The following EIF4EBP2 variants were observed in gnomAD, a reference collection of about 807,000 sequenced individuals.
The protein encoded by EIF4EBP2 is eukaryotic translation initiation factor 4E binding protein 2.
In EIF4EBP2, 5 loss-of-function variants were observed where a neutral mutation model predicts 10.3. The ratio of observed to expected loss-of-function variants is 0.48; its 90% CI spans 0.25 to 1.02. EIF4EBP2 has a LOEUF of 1.02. EIF4EBP2 is among the 50% of genes least tolerant of loss of function. The pLI is 0.15. For synonymous variants in EIF4EBP2, 67 were observed against 61.1 expected, an observed-to-expected ratio of 1.10 and a Z score of -0.45; for missense variants, 188 against 162.2, an observed-to-expected ratio of 1.16 and a Z score of -0.86.
In EIF4EBP2 at chr10:70,427,588, C is replaced by G. The variant is rs1290224006; in HGVS notation, c.*5841C>G. On this transcript the variant is annotated 3_prime_UTR_variant, in exon 3 of 3. Coordinates refer to ENST00000373218, the MANE Select transcript of EIF4EBP2 (RefSeq NM_004096.5). ...TAGGCTGGTCCTGGAAGTTGATAAC[C>G]TTTTGGCAAAGCTTAGATTTAGGAG... 1 of 152,158 alleles carries G rather than the reference C, an allele frequency of 6.6e-6. No homozygotes were observed. Among genetic ancestry groups the G allele is most frequent in the African/African-American group, 2.4e-5 (1 of 41,430 alleles). The allele number at this position is 152,158 out of a possible 1,614,324, so 9.4% of individuals were successfully genotyped here.
chr10:70,406,552 G>A (rs1399029373), intron 1 of EIF4EBP2, among the ~76,000 whole-genome samples: 1 of 150,800 alleles, frequency 6.6e-6, no homozygotes, highest in Non-Finnish European at 1.5e-5. Context: ...CCTGAGGGAA[G>A]AGCCACCTAG....
At chr10:70,404,601 TCCTCGGCG>T in intron 1 of EIF4EBP2, 55 bp downstream of exon 1, 1 of 1,467,162 alleles carries the variant, frequency 6.8e-7, no homozygotes, top group East Asian at 2.9e-5. Flanking sequence ...GTCCTCTAAC[TCCTCGGCG>T]CCTCGGTGCC....
At chr10:70,406,748 T>C (rs1331035235) in intron 1 of EIF4EBP2, among the ~76,000 whole-genome samples, 1 of 151,914 alleles carries the variant, frequency 6.6e-6, no homozygotes, top group Admixed American at 6.5e-5. Context: ...TCAATCACTG[T>C]TTTCTCAAAT....
At chr10:70,417,808 T>A (rs886492268) in intron 1 of EIF4EBP2, among the ~76,000 whole-genome samples, 1 of 152,188 alleles carries the variant, frequency 6.6e-6, no homozygotes, top group Non-Finnish European at 1.5e-5. Flanking sequence ...TTCTGAAATC[T>A]CATCATGAAC....
intron 1 of EIF4EBP2, among the ~76,000 whole-genome samples, chr10:70,407,915 TC>T (rs1163364919): frequency 4.5e-4 from 55 of 122,412 alleles, no homozygotes; most frequent in African/African-American, 1.8e-3. Context: ...GCTCCTCACT[TC>T]CCAGTAGGAG....
intron 1 of EIF4EBP2, among the ~76,000 whole-genome samples, chr10:70,412,236 C>G (rs1037861879): frequency 3.3e-5 from 5 of 152,094 alleles, no homozygotes; most frequent in African/African-American, 4.8e-5. Flanking sequence ...GCTTGGAACT[C>G]TATTTTATGA....
chr10:70,418,550 TAAAC>T (rs1022620412), intron 1 of EIF4EBP2, among the ~76,000 whole-genome samples: 1 of 152,198 alleles, frequency 6.6e-6, no homozygotes, highest in Non-Finnish European at 1.5e-5. Context: ...CATAGTATAA[TAAAC>T]AATTTTCATA....
intron 1 of EIF4EBP2, among the ~76,000 whole-genome samples, chr10:70,415,609 AG>A (rs1347236685): frequency 6.6e-6 from 1 of 152,276 alleles, no homozygotes; most frequent in Non-Finnish European, 1.5e-5. Flanking sequence ...TTGAGAGTCC[AG>A]AAATAAACCC....
At chr10:70,404,732 G>T (rs1844950932) in intron 1 of EIF4EBP2, among the ~76,000 whole-genome samples, 186 bp downstream of exon 1, 3 of 152,218 alleles carry the variant, frequency 2.0e-5, no homozygotes, top group Admixed American at 2.0e-4. Context: ...CGCAGCTCGA[G>T]TCGGCGCGCG....
rs1337898678 is a variant in EIF4EBP2, at chr10:70,425,237, G to A, written c.*3490G>A. On this transcript the variant is annotated 3_prime_UTR_variant, in exon 3 of 3. Transcript: ENST00000373218. ...CTGAGCAGCTGATTCCAGAGATCAT[G>A]GGGCAGGGCCAGGAGAAAGCTGCAG... is the stretch of plus-strand genomic sequence containing the variant. The A allele has an allele frequency of 6.6e-6, 1 of 152,282 alleles. No homozygotes were observed. Among genetic ancestry groups the A allele is most frequent in the African/African-American group, 2.4e-5 (1 of 41,458 alleles). The allele number at this position is 152,282 out of a possible 1,614,324, so 9.4% of individuals were successfully genotyped here.
At chr10:70,410,405 A>G (rs1262382357) in intron 1 of EIF4EBP2, among the ~76,000 whole-genome samples, 1 of 152,184 alleles carries the variant, frequency 6.6e-6, no homozygotes, top group Non-Finnish European at 1.5e-5. Flanking sequence ...TTGGTTTATT[A>G]GCACTTCAGA....
intron 1 of EIF4EBP2, among the ~76,000 whole-genome samples, chr10:70,414,429 C>T (rs924454133): frequency 6.6e-5 from 10 of 152,218 alleles, no homozygotes; most frequent in South Asian, 2.1e-4. Context: ...AGCATTAAGA[C>T]GCTAGTTCTT....
intron 1 of EIF4EBP2, among the ~76,000 whole-genome samples, chr10:70,411,823 C>T (rs36038032): frequency 1.3e-5 from 2 of 151,956 alleles, no homozygotes; most frequent in African/African-American, 4.8e-5. Flanking sequence ...TTATATACAC[C>T]CTTCTCCCAA....
chr10:70,419,403 GTC>G (rs1845131519), intron 1 of EIF4EBP2, among the ~76,000 whole-genome samples: 2 of 151,902 alleles, frequency 1.3e-5, no homozygotes, highest in African/African-American at 4.8e-5. Flanking sequence ...AAGAATGTTA[GTC>G]TCAGTCCTTC....
At chr10:70,407,647 G>A (rs1354777924) in intron 1 of EIF4EBP2, among the ~76,000 whole-genome samples, 2 of 151,948 alleles carry the variant, frequency 1.3e-5, no homozygotes, top group Admixed American at 6.5e-5. Context: ...CCCAGATGGG[G>A]TGGTGGCCGG....
At chr10:70,413,478 T>TACCCC (rs1564661620) in intron 1 of EIF4EBP2, among the ~76,000 whole-genome samples, 5 of 151,942 alleles carry the variant, frequency 3.3e-5, no homozygotes, top group Non-Finnish European at 7.4e-5. Flanking sequence ...ATAAAATTAG[T>TACCCC]TGGACTGTAG....
Position 70,427,433 on chromosome 10 carries a change from A to G in EIF4EBP2, c.*5686A>G, listed in dbSNP as rs2132208411. On this transcript the variant is annotated 3_prime_UTR_variant, in exon 3 of 3. Coordinates refer to ENST00000373218, the MANE Select transcript of EIF4EBP2 (RefSeq NM_004096.5). Reference sequence around the variant, plus strand: ...GTTCCTAGTCATGGTTTTCCAGTTTAGTAGTGGAGTTTCTTGAGGCTAACT... The same window carrying G: ...GTTCCTAGTCATGGTTTTCCAGTTTGGTAGTGGAGTTTCTTGAGGCTAACT... 6.6e-6 allele frequency: 1 copy of G among 152,294 alleles called. No individual in the cohort carries two copies. Among genetic ancestry groups the G allele is most frequent in the Non-Finnish European group, 1.5e-5 (1 of 68,010 alleles). 9.4% of individuals were successfully genotyped at this position (152,294 alleles called of 1,614,324 possible).
intron 1 of EIF4EBP2, among the ~76,000 whole-genome samples, chr10:70,409,711 C>G (rs759543150): frequency 2.0e-5 from 3 of 152,216 alleles, no homozygotes; most frequent in Non-Finnish European, 4.4e-5. Context: ...GAACTGCCCC[C>G]TTTTAGAAGA....
chr10:70,406,022 C>T (rs141054925), intron 1 of EIF4EBP2, among the ~76,000 whole-genome samples: 124 of 152,284 alleles, frequency 8.1e-4, no homozygotes, highest in Admixed American at 1.6e-3. Context: ...CACTCTGTCG[C>T]CCAGGCTGGA....
Sources: allele counts gnomAD v4.1 joint callset (sites outside exome capture counted in the v4.1 genomes callset), GRCh38; gene constraint gnomAD v4.1.1; transcripts MANE v1.5; gene names NCBI Gene and HGNC (gene_info 2026-07-23, HGNC 2026-07-21).